The following GLRA2 variants were observed in gnomAD, a reference collection of about 807,000 sequenced individuals.
GLRA2 encodes glycine receptor subunit alpha-2.
A neutral mutation model predicts 31.6 loss-of-function variants in GLRA2; 11 were observed. The observed-to-expected ratio is 0.35, with a 90% CI of 0.22 to 0.58. GLRA2 has a LOEUF of 0.58. Ranked by LOEUF, GLRA2 falls within the 20% of genes least tolerant of loss-of-function variation. The probability of loss-of-function intolerance (pLI) is 0.84; values close to 1 mark genes in which losing one functional copy is unlikely to be tolerated. For missense variants in GLRA2, 212 were observed against 351.8 expected, an observed-to-expected ratio of 0.60 and a Z score of 3.18; for synonymous variants, 132 against 134.0, an observed-to-expected ratio of 0.99 and a Z score of 0.10.
chrX:14,681,913 A>ATATATG (rs2091213306), intron 7 of GLRA2, among the ~76,000 whole-genome samples: 1 of 59,815 alleles, frequency 1.7e-5, no homozygotes, highest in Non-Finnish European at 3.5e-5. Flanking sequence ...AAAAAAAAAT[A>ATATATG]TATATATATA....
chrX:14,451,854 A>G, the GLRA2 span, among the ~76,000 whole-genome samples: 2 of 111,325 alleles, frequency 1.8e-5, no homozygotes, highest in Admixed American at 1.9e-4. Context: ...ACAACCATAA[A>G]AAAAGGACAA....
At chrX:14,551,480 T>A (rs968114870) in intron 2 of GLRA2, among the ~76,000 whole-genome samples, 1 of 110,247 alleles carries the variant, frequency 9.1e-6, no homozygotes, top group Non-Finnish European at 1.9e-5. Flanking sequence ...GATCGTGGGG[T>A]GGAGGTATGG....
At chrX:14,518,778 C>T in the GLRA2 span, among the ~76,000 whole-genome samples, 6 of 106,729 alleles carry the variant, frequency 5.6e-5, no homozygotes, top group Non-Finnish European at 9.6e-5. Context: ...TGGGAGGCCA[C>T]GGCGGACCGA....
chrX:14,604,542 A>T, intron 5 of GLRA2, 145 bp downstream of exon 5: 3 of 237,626 alleles, frequency 1.3e-5, no homozygotes, highest in East Asian at 9.1e-5. Context: ...AGACAAACCA[A>T]AGTGTGTGTG....
chrX:14,699,113 C>G (rs1481395044), intron 8 of GLRA2, among the ~76,000 whole-genome samples: 1 of 112,262 alleles, frequency 8.9e-6, no homozygotes, highest in Non-Finnish European at 1.9e-5. Flanking sequence ...CAACCCCAGT[C>G]TATTAGAAGC....
intron 7 of GLRA2, among the ~76,000 whole-genome samples, chrX:14,661,206 A>G: frequency 8.9e-6 from 1 of 112,525 alleles, no homozygotes; most frequent in South Asian, 3.7e-4. Flanking sequence ...GGAAGGAAAA[A>G]GACTTCAAGT....
chrX:14,645,063 C>T (rs1480039169), intron 7 of GLRA2, among the ~76,000 whole-genome samples: 5 of 111,687 alleles, frequency 4.5e-5, no homozygotes, highest in Admixed American at 9.5e-5. Context: ...TTGTGGCCTG[C>T]ACAACTTTAC....
At chrX:14,524,245 T>G in the GLRA2 span, among the ~76,000 whole-genome samples, 5 of 112,403 alleles carry the variant, frequency 4.4e-5, no homozygotes, top group East Asian at 1.4e-3. Flanking sequence ...AGTTAAGAAA[T>G]GGCAATCGTT....
chrX:14,664,163 G>A (rs1273602428), intron 7 of GLRA2, among the ~76,000 whole-genome samples: 2 of 110,976 alleles, frequency 1.8e-5, no homozygotes, highest in Admixed American at 1.9e-4. Flanking sequence ...CTCTAGATAG[G>A]TCATATAAAT....
intron 8 of GLRA2, among the ~76,000 whole-genome samples, chrX:14,711,718 C>T (rs2091712509): frequency 1.8e-5 from 2 of 112,419 alleles, no homozygotes; most frequent in African/African-American, 3.2e-5. Context: ...TATTTTACTA[C>T]AAAAGAGACT....
chrX:14,647,914 G>C lies in GLRA2; in HGVS notation c.930+38709G>C, dbSNP rs771788524. Reference sequence around the variant, plus strand: ...CAATGGATATGTAAAAGGAAATAGTGAAAAACAAAGCTGGAAAGGTTGGAG... The same window carrying C: ...CAATGGATATGTAAAAGGAAATAGTCAAAAACAAAGCTGGAAAGGTTGGAG... On this transcript the variant is annotated intron_variant, in intron 7 of 8. Coordinates refer to ENST00000218075, the MANE Select transcript of GLRA2 (RefSeq NM_002063.4). Among the ~76,000 whole-genome samples the C allele has an allele frequency of 4.5e-5, 5 of 112,184 alleles. No homozygotes were observed. In the South Asian group the frequency reaches 1.1e-3, roughly 25 times the overall value.
At chrX:14,485,829 C>G in the GLRA2 span, among the ~76,000 whole-genome samples, 1 of 111,528 alleles carries the variant, frequency 9.0e-6, no homozygotes, top group African/African-American at 3.3e-5. Context: ...AGACATAAGT[C>G]AGATCATGTA....
intron 4 of GLRA2, among the ~76,000 whole-genome samples, chrX:14,592,793 T>A (rs960311253): frequency 8.9e-6 from 1 of 112,656 alleles, no homozygotes; most frequent in African/African-American, 3.2e-5. Context: ...ACCAGGAATA[T>A]CTGTGAACTA....
At chrX:14,507,134 T>C in the GLRA2 span, among the ~76,000 whole-genome samples, 1 of 111,909 alleles carries the variant, frequency 8.9e-6, no homozygotes, top group Non-Finnish European at 1.9e-5. Flanking sequence ...TGCTTCCTCA[T>C]TAATTTGTGT....
the GLRA2 span, among the ~76,000 whole-genome samples, chrX:14,486,658 G>C: frequency 1.1e-3 from 122 of 111,721 alleles, no homozygotes; most frequent in African/African-American, 3.6e-3. Flanking sequence ...CTACTTACCA[G>C]ATAAACACAA....
the GLRA2 span, among the ~76,000 whole-genome samples, chrX:14,458,810 C>A: frequency 9.0e-6 from 1 of 111,604 alleles, no homozygotes. Context: ...AATTTTCTCC[C>A]ATTCTGCAGG....
chrX:14,579,440 C>T (rs1219746713), intron 3 of GLRA2, among the ~76,000 whole-genome samples: 11 of 110,985 alleles, frequency 9.9e-5, no homozygotes, highest in Admixed American at 3.8e-4. Flanking sequence ...AGCAATTCTC[C>T]CACTTCAGCC....
intron 4 of GLRA2, among the ~76,000 whole-genome samples, chrX:14,591,417 T>C (rs1161499581): frequency 9.0e-6 from 1 of 111,422 alleles, no homozygotes; most frequent in African/African-American, 3.3e-5. Context: ...GGCAAACCAC[T>C]GGTGTGAGCC....
intron 7 of GLRA2, among the ~76,000 whole-genome samples, chrX:14,653,187 A>G (rs2090906979): frequency 8.9e-6 from 1 of 111,987 alleles, no homozygotes; most frequent in African/African-American, 3.2e-5. Flanking sequence ...TCTGCAGCCA[A>G]TGGATCAAAG....
Sources: allele counts gnomAD v4.1 joint callset (sites outside exome capture counted in the v4.1 genomes callset), GRCh38; gene constraint gnomAD v4.1.1; transcripts MANE v1.5; gene names NCBI Gene and HGNC (gene_info 2026-07-23, HGNC 2026-07-21).